The following IGLL5 variants were observed in gnomAD, a reference collection of about 807,000 sequenced individuals.
IGLL5 encodes the protein immunoglobulin lambda-like polypeptide 5.
Under a neutral mutation model 20.9 loss-of-function variants are expected in IGLL5, and 30 were observed. That is an observed-to-expected ratio of 1.44 (90% CI 1.07 to 1.95). The LOEUF (loss-of-function observed/expected upper bound fraction) is 1.95, where lower values mean the gene tolerates loss of function less well. IGLL5 is among the 30% of genes most tolerant of loss of function. IGLL5 has a pLI of 0.00. For synonymous variants in IGLL5, 203 were observed against 117.3 expected (o/e 1.73, Z -4.72); for missense variants, 475 against 270.7 (o/e 1.75, Z -5.30).
chr22:22,888,918 G>A (rs552422080), intron 1 of IGLL5, among the ~76,000 whole-genome samples: 5 of 151,304 alleles, frequency 3.3e-5, no homozygotes, highest in East Asian at 2.0e-4. Flanking sequence ...AGGGGCACTG[G>A]CTGGTGATGG....
rs376992217 is a variant in IGLL5 at position 22,895,523 on chromosome 22, G to C, written c.474G>C (p.Lys158Asn). 44 of 1,612,672 alleles carry C rather than the reference G, an allele frequency of 2.7e-5. No homozygotes were observed. In the African/African-American group the frequency reaches 4.4e-4, roughly 16 times the overall value. ...VAWKADGSPVKAGVETTKPSK... is the reference protein window; with the variant it reads ...VAWKADGSPVNAGVETTKPSK... ...GGAAGGCAGATGGCAGCCCCGTCAA[G>C]GCGGGAGTGGAGACCACCAAACCCT... Residue 158 changes from lysine (K) to asparagine (N), a missense_variant, in exon 3 of 3, where the codon AAG becomes AAC. By Grantham distance (94) the Lys-to-Asn change is moderately conservative. Coordinates refer to ENST00000526893, the MANE Select transcript of IGLL5 (RefSeq NM_001178126.2).
chr22:22,891,297 T>C (rs1379804717), intron 1 of IGLL5, among the ~76,000 whole-genome samples: 1 of 151,190 alleles, frequency 6.6e-6, no homozygotes, highest in South Asian at 2.1e-4. Context: ...ATTTTCCAAA[T>C]AGGAAAGCCA....
rs970254413 is a variant in IGLL5, at chr22:22,888,048, A to G, written c.-6A>G. The G allele has an allele frequency of 9.0e-6, 14 of 1,548,828 alleles. No homozygotes were observed. Among genetic ancestry groups the G allele is most frequent in the Admixed American group, 3.9e-5 (2 of 50,806 alleles). ...GGGCCAGAGGTGCCCCTGAACCTGA[A>G]GGCCAATGAGACCCAAGACAGGCCA... On this transcript the variant is annotated 5_prime_UTR_variant, in exon 1 of 3. Transcript: ENST00000526893.
rs1485549725 is a variant in IGLL5, at chr22:22,888,096, G to C, written c.43G>C (p.Glu15Gln). 6.5e-7 allele frequency: 1 copy of C among 1,549,452 alleles called. No individual in the cohort carries two copies. The highest frequency in any genetic ancestry group is 8.7e-7 in the Non-Finnish European group (1 of 1,146,660). Residue 15 changes from glutamate to glutamine, a missense_variant, in exon 1 of 3, where the codon GAG (glutamate) becomes CAG (glutamine). Transcript: ENST00000526893. ...TGQVGCETPE[E>Q]LGPGPRQRWP... is the part of the protein sequence containing the mutation. ...CCAAGTGGGTTGTGAGACCCCTGAG[G>C]AGCTGGGCCCTGGTCCCAGGCAGCG...
chr22:22,890,728 G>A lies in IGLL5; in HGVS notation c.206+2469G>A, dbSNP rs147541961. Among the ~76,000 whole-genome samples the A allele has an allele frequency of 2.8e-3, 421 of 150,906 alleles. 4 individuals are homozygous for A. The highest frequency in any genetic ancestry group is 9.4e-3 in the African/African-American group (386 of 41,124). On this transcript the variant is annotated intron_variant, in intron 1 of 2. Coordinates refer to ENST00000526893, the MANE Select transcript of IGLL5 (RefSeq NM_001178126.2). ...CCAAAAGTCTGTGTCCACTCACTCC[G>A]GTGAATGGTAGTGCCTTCGCTCCTA...
chr22:22,889,059 C>G (rs1231302380), intron 1 of IGLL5, among the ~76,000 whole-genome samples: 1 of 151,238 alleles, frequency 6.6e-6, no homozygotes, highest in East Asian at 2.0e-4. Flanking sequence ...CAGGACGAGT[C>G]CTTGGATGGA....
chr22:22,889,485 T>C (rs58503484), intron 1 of IGLL5, among the ~76,000 whole-genome samples: 3 of 151,342 alleles, frequency 2.0e-5, no homozygotes, highest in East Asian at 2.0e-4. Context: ...CAAATCTTTA[T>C]AACAAGGGTG....
chr22:22,888,600 T>G (rs191116199), intron 1 of IGLL5, among the ~76,000 whole-genome samples: 2 of 151,312 alleles, frequency 1.3e-5, no homozygotes, highest in African/African-American at 2.4e-5. Context: ...TGGTGGCCAC[T>G]GTCCCCACAG....
rs181183757 is a variant in IGLL5, at chr22:22,888,448, A to T, written c.206+189A>T. 5.9e-5 allele frequency among the ~76,000 whole-genome samples: 9 copies of T among 151,392 alleles called. No homozygotes were observed. The South Asian group carries it at 6.3e-4, about 11-fold the overall frequency. On this transcript the variant is annotated intron_variant, in intron 1 of 2. Transcript: ENST00000526893. ...ATTTGTTTGAATTACTGTTTTTAAT[A>T]TCATATTACGATATTATTTTTCTTG...
At chr22:22,891,357 T>A (rs2146014769) in intron 1 of IGLL5, among the ~76,000 whole-genome samples, 1 of 151,298 alleles carries the variant, frequency 6.6e-6, no homozygotes. Context: ...AATTACTACA[T>A]TACTGATTTA....
Position 22,887,969 on chromosome 22 carries a change from C to A in IGLL5, c.-85C>A. ...TGGACTGGGGTGTACTGTAACAGCC[C>A]TGCTGGCGAGAGGGACCAGGGCACC... is the stretch of plus-strand genomic sequence containing the variant. On this transcript the variant is annotated 5_prime_UTR_variant, in exon 1 of 3. The change creates a new upstream start codon in the 5' untranslated region. Transcript: ENST00000526893. The A allele has an allele frequency of 9.1e-7, 1 of 1,101,814 alleles. No homozygotes were observed. Among genetic ancestry groups the A allele is most frequent in the Non-Finnish European group, 1.4e-6 (1 of 739,132 alleles). 68.3% of individuals were successfully genotyped at this position (1,101,814 alleles called of 1,614,324 possible).
At position 22,888,257 on chromosome 22, in the gene IGLL5, C is replaced by A; in HGVS notation, c.204C>A (p.Gly68=). The part of the protein sequence containing the change: ...SSRSSLRSLW[G]RLLLQPSPQR... The stretch of plus-strand genomic sequence containing the variant: ...GATCCAGCCTGCGGAGCCTGTGGGG[C>A]AGGTAAGGGGCAAGAGATTCCAGGG... The change falls in exon 1 of 3, where the codon GGC becomes GGA. Residue 68 remains glycine (G), a splice_region_variant and synonymous_variant. Transcript: ENST00000526893. 3.2e-6 allele frequency: 5 copies of A among 1,547,340 alleles called. No homozygotes were observed. The highest frequency in any genetic ancestry group is 4.4e-6 in the Non-Finnish European group (5 of 1,146,328).
chr22:22,890,304 T>TGTGTATGTGTA (rs1240913410), intron 1 of IGLL5, among the ~76,000 whole-genome samples: 1 of 146,680 alleles, frequency 6.8e-6, no homozygotes, highest in Admixed American at 6.8e-5. Flanking sequence ...TGTGTGTGTG[T>TGTGTATGTGTA]CCCTGAAAAC....
chr22:22,889,610 A>T, intron 1 of IGLL5, among the ~76,000 whole-genome samples: 1 of 151,264 alleles, frequency 6.6e-6, no homozygotes, highest in Admixed American at 6.6e-5. Flanking sequence ...TTTGTTTTGA[A>T]ACAGTCTTGA....
At chr22:22,894,376 C>G (rs147707995) in intron 2 of IGLL5, among the ~76,000 whole-genome samples, 2 of 151,434 alleles carry the variant, frequency 1.3e-5, no homozygotes, top group African/African-American at 2.4e-5. Flanking sequence ...AGCTCTGTGG[C>G]CTGTGCTGGG....
In IGLL5 at chr22:22,889,905, T is replaced by C. The variant is rs576478378; in HGVS notation, c.206+1646T>C. ...GCCACTGCACCTGACCCAACTGTGT[T>C]TTTAAAGTATATATGCATTTTCAAA... On this transcript the variant is annotated intron_variant, in intron 1 of 2. Coordinates refer to ENST00000526893, the MANE Select transcript of IGLL5 (RefSeq NM_001178126.2). Among the ~76,000 whole-genome samples, 5 of 151,398 alleles carry C rather than the reference T, an allele frequency of 3.3e-5. No homozygotes were observed. The South Asian group carries it at 1.1e-3, about 32-fold the overall frequency.
intron 2 of IGLL5, among the ~76,000 whole-genome samples, chr22:22,894,515 G>A (rs542295612): frequency 2.6e-5 from 4 of 151,518 alleles, no homozygotes; most frequent in African/African-American, 4.8e-5. Context: ...CTGGAGCCCC[G>A]TCACCTCTGG....
At chr22:22,894,252 G>C (rs1048760354) in intron 2 of IGLL5, among the ~76,000 whole-genome samples, 2 of 151,224 alleles carry the variant, frequency 1.3e-5, no homozygotes, top group Admixed American at 6.6e-5. Context: ...TGAGGGTCTA[G>C]GCTGAGGACT....
Position 22,888,270 on chromosome 22 carries a change from A to T in IGLL5, c.206+11A>T, listed in dbSNP as rs185935425. On this transcript the variant is annotated intron_variant, in intron 1 of 2. Transcript: ENST00000526893. Reference sequence around the variant, plus strand: ...GAGCCTGTGGGGCAGGTAAGGGGCAAGAGATTCCAGGGGATGTGGGGGTCC... The same window carrying T: ...GAGCCTGTGGGGCAGGTAAGGGGCATGAGATTCCAGGGGATGTGGGGGTCC... The T allele has an allele frequency of 1.3e-6, 2 of 1,546,418 alleles. No individual in the cohort carries two copies. The highest frequency in any genetic ancestry group is 2.0e-5 in the Admixed American group (1 of 50,696).
Sources: allele counts gnomAD v4.1 joint callset (sites outside exome capture counted in the v4.1 genomes callset), GRCh38; gene constraint gnomAD v4.1.1; transcripts MANE v1.5; gene names NCBI Gene and HGNC (gene_info 2026-07-23, HGNC 2026-07-21).